The following AKIRIN2 variants were observed in gnomAD, a reference collection of about 807,000 sequenced individuals.
AKIRIN2 encodes akirin 2.
In AKIRIN2, 6 loss-of-function variants were observed where a neutral mutation model predicts 29.3. The ratio of observed to expected loss-of-function variants is 0.20; its 90% CI spans 0.11 to 0.40. AKIRIN2 has a LOEUF of 0.40. Among genes scored for constraint, AKIRIN2 ranks in the 10% least tolerant of loss-of-function variants. The probability of loss-of-function intolerance (pLI) is 1.00; values close to 1 mark genes in which losing one functional copy is unlikely to be tolerated. For missense variants in AKIRIN2, 210 were observed against 276.1 expected, an observed-to-expected ratio of 0.76 and a Z score of 1.70; for synonymous variants, 128 against 117.5, an observed-to-expected ratio of 1.09 and a Z score of -0.58.
chr6:87,694,254 C>T (rs1771324881), intron 1 of AKIRIN2, among the ~76,000 whole-genome samples: 1 of 152,074 alleles, frequency 6.6e-6, no homozygotes, highest in Non-Finnish European at 1.5e-5. Flanking sequence ...GTAAACAAGC[C>T]TTAACACTTT....
intron 1 of AKIRIN2, among the ~76,000 whole-genome samples, chr6:87,696,725 A>G (rs1238310223): frequency 3.4e-5 from 4 of 116,882 alleles, no homozygotes; most frequent in Non-Finnish European, 1.8e-5. Flanking sequence ...AAAGCCAGGG[A>G]GGCCAGGCGC....
Position 87,675,397 on chromosome 6 carries a change from A to G in AKIRIN2, c.*200T>C. 1.6e-6 allele frequency: 1 copy of G among 638,520 alleles called. No individual in the cohort carries two copies. Among genetic ancestry groups the G allele is most frequent in the Non-Finnish European group, 2.8e-6 (1 of 360,184 alleles). 39.6% of individuals were successfully genotyped at this position (638,520 alleles called of 1,614,324 possible). Reference sequence around the variant, plus strand: ...GCCACTGGTATTAATACAGGTAGCAAAGGTCCACATCCAGGTGGTACTGAC... The same window carrying G: ...GCCACTGGTATTAATACAGGTAGCAGAGGTCCACATCCAGGTGGTACTGAC... On this transcript the variant is annotated 3_prime_UTR_variant, in exon 5 of 5. Transcript: ENST00000257787.
chr6:87,677,724 G>A (rs771680998), intron 3 of AKIRIN2, 94 bp downstream of exon 3: 74 of 1,394,540 alleles, frequency 5.3e-5, no homozygotes, highest in Middle Eastern at 2.4e-4. Flanking sequence ...AGAATATACC[G>A]CACCAGTGTA....
intron 2 of AKIRIN2, among the ~76,000 whole-genome samples, chr6:87,679,286 T>G (rs559554536): frequency 3.9e-4 from 60 of 152,224 alleles, no homozygotes; most frequent in South Asian, 2.1e-3. Flanking sequence ...ATCCCAGTAC[T>G]TTCTGGGAGG....
chr6:87,675,756 T>A, intron 4 of AKIRIN2, 104 bp downstream of exon 4: 1 of 1,458,208 alleles, frequency 6.9e-7, no homozygotes, highest in South Asian at 1.2e-5. Context: ...ACATTCTCAG[T>A]AATTTTGTTG....
intron 1 of AKIRIN2, among the ~76,000 whole-genome samples, chr6:87,688,245 C>T (rs1456205034): frequency 1.3e-5 from 2 of 152,102 alleles, no homozygotes; most frequent in African/African-American, 4.8e-5. Flanking sequence ...GATTCTTCTG[C>T]CTCAGCCTCC....
intron 1 of AKIRIN2, among the ~76,000 whole-genome samples, chr6:87,692,807 T>C (rs1771296711): frequency 6.6e-6 from 1 of 151,806 alleles, no homozygotes; most frequent in Non-Finnish European, 1.5e-5. Context: ...AAGACTCTTG[T>C]CTCAAAAATA....
rs1770943945 is a variant in AKIRIN2 at position 87,675,106 on chromosome 6, G to A, written c.*491C>T. ...CATTCTGAAACCCCAAGAAGTCCTG[G>A]AATACAGAAATGCCCTCCTCCTTCA... On this transcript the variant is annotated 3_prime_UTR_variant, in exon 5 of 5. Coordinates refer to ENST00000257787, the MANE Select transcript of AKIRIN2 (RefSeq NM_018064.4). 1 of 153,016 alleles carries A rather than the reference G, an allele frequency of 6.5e-6. No homozygotes were observed. 9.5% of individuals were successfully genotyped at this position (153,016 alleles called of 1,614,324 possible).
chr6:87,694,454 G>C (rs1771327800), intron 1 of AKIRIN2, among the ~76,000 whole-genome samples: 1 of 152,168 alleles, frequency 6.6e-6, no homozygotes, highest in African/African-American at 2.4e-5. Context: ...TCTCAAGAGA[G>C]ACTCTTACTC....
intron 1 of AKIRIN2, among the ~76,000 whole-genome samples, chr6:87,698,373 T>TAAAA (rs1318677681): frequency 1.5e-5 from 2 of 136,242 alleles, no homozygotes; most frequent in Admixed American, 7.4e-5. Flanking sequence ...GAACAATACT[T>TAAAA]AAAAAAAAAA....
In AKIRIN2 at chr6:87,688,235, G is replaced by A. The variant is rs548525454; in HGVS notation, c.236-6472C>T. On this transcript the variant is annotated intron_variant, in intron 1 of 4. Coordinates refer to ENST00000257787, the MANE Select transcript of AKIRIN2 (RefSeq NM_018064.4). Reference sequence around the variant, plus strand: ...TAACCTCCACCTCCTGGGTTCAAGCGATTCTTCTGCCTCAGCCTCCAGAGT... The same window carrying A: ...TAACCTCCACCTCCTGGGTTCAAGCAATTCTTCTGCCTCAGCCTCCAGAGT... Among the ~76,000 whole-genome samples the A allele has an allele frequency of 2.0e-5, 3 of 152,144 alleles. No homozygotes were observed. The East Asian group carries it at 5.8e-4, about 29-fold the overall frequency.
Position 87,687,439 on chromosome 6 carries a change from C to CAAA in AKIRIN2, c.236-5679_236-5677dup, listed in dbSNP as rs201472497. Among the ~76,000 whole-genome samples the CAAA allele has an allele frequency of 2.4e-4, 26 of 109,152 alleles. 1 individual carries two copies. Among genetic ancestry groups the CAAA allele is most frequent in the African/African-American group, 7.5e-4 (23 of 30,526 alleles). 71.6% of individuals were successfully genotyped at this position (109,152 alleles called of 152,430 possible). A position where few individuals can be genotyped will look rare whatever the true frequency, so the allele number is the denominator to read the frequency against. ...GGGCAACAAGAGCAAAATTCCGTTT[C>CAAA]AAAAAAAAAAAAAAAAACACACTAC... On this transcript the variant is annotated intron_variant, in intron 1 of 4. Coordinates refer to ENST00000257787, the MANE Select transcript of AKIRIN2 (RefSeq NM_018064.4).
intron 3 of AKIRIN2, among the ~76,000 whole-genome samples, chr6:87,676,684 G>A (rs111767228): frequency 0.012 from 1,837 of 151,602 alleles, 40 homozygotes; most frequent in African/African-American, 0.041. Flanking sequence ...GGAGGTTAAG[G>A]CAGGAGAATC....
intron 1 of AKIRIN2, among the ~76,000 whole-genome samples, chr6:87,683,853 C>T (rs964480510): frequency 1.3e-5 from 2 of 152,064 alleles, no homozygotes; most frequent in Non-Finnish European, 2.9e-5. Flanking sequence ...GGTTTCACCA[C>T]ATTGGTCAGG....
intron 1 of AKIRIN2, among the ~76,000 whole-genome samples, chr6:87,698,181 T>A (rs1771401068): frequency 6.6e-6 from 1 of 152,064 alleles, no homozygotes; most frequent in Non-Finnish European, 1.5e-5. Flanking sequence ...CTGCTCCCCC[T>A]CCCCTTACTT....
intron 1 of AKIRIN2, among the ~76,000 whole-genome samples, chr6:87,693,487 T>C (rs1196389147): frequency 2.6e-5 from 4 of 152,162 alleles, no homozygotes; most frequent in Non-Finnish European, 4.4e-5. Context: ...CCCAGCACTG[T>C]GGCAGGCCCA....
At chr6:87,699,445 A>G (rs1771422957) in intron 1 of AKIRIN2, among the ~76,000 whole-genome samples, 1 of 20,452 alleles carries the variant, frequency 4.9e-5, no homozygotes, top group Non-Finnish European at 7.1e-5. Context: ...ATAATATTCA[A>G]ATTAGTTTGG....
In AKIRIN2 at chr6:87,701,700, A is replaced by C; in HGVS notation, c.-16T>G. 7.0e-7 allele frequency: 1 copy of C among 1,435,276 alleles called. No individual in the cohort carries two copies. The highest frequency in any genetic ancestry group is 9.1e-7 in the Non-Finnish European group (1 of 1,095,302). The allele number at this position is 1,435,276 out of a possible 1,614,324, so 88.9% of individuals were successfully genotyped here. On this transcript the variant is annotated 5_prime_UTR_variant, in exon 1 of 5. Coordinates refer to ENST00000257787, the MANE Select transcript of AKIRIN2 (RefSeq NM_018064.4). ...CGCACGCCATGGCCGGGGGCAGCTG[A>C]GGCGCCGGGCTCGGGTGGGGTCGGG...
chr6:87,700,278 A>AAC (rs1407893091), intron 1 of AKIRIN2, among the ~76,000 whole-genome samples: 2 of 151,866 alleles, frequency 1.3e-5, no homozygotes, highest in Admixed American at 6.6e-5. Flanking sequence ...AAAAAAAAAA[A>AAC]AACACTAAAG....
Sources: allele counts gnomAD v4.1 joint callset (sites outside exome capture counted in the v4.1 genomes callset), GRCh38; gene constraint gnomAD v4.1.1; transcripts MANE v1.5; gene names NCBI Gene and HGNC (gene_info 2026-07-23, HGNC 2026-07-21).